The following TFAP2A variants were observed in gnomAD, a reference collection of about 807,000 sequenced individuals.
TFAP2A encodes the protein transcription factor AP-2-alpha.
In TFAP2A, 7 loss-of-function variants were observed where a neutral mutation model predicts 41.5. The observed-to-expected ratio is 0.17, with a 90% CI of 0.10 to 0.32. TFAP2A has a LOEUF of 0.32. TFAP2A is among the 10% of genes least tolerant of loss of function. TFAP2A has a pLI of 1.00. For missense variants in TFAP2A, 416 were observed against 563.3 expected, an observed-to-expected ratio of 0.74 and a Z score of 2.65; for synonymous variants, 247 against 242.8, an observed-to-expected ratio of 1.02 and a Z score of -0.16.
Position 10,414,932 on chromosome 6 carries a change from C to T in TFAP2A, c.51+9G>A. The stretch of plus-strand genomic sequence containing the variant: ...ACCGCACGGATGATCGAGCCGGCGT[C>T]GCGCTTACCTCGCAGTCCTCGTACT... On this transcript the variant is annotated intron_variant, in intron 1 of 6. Coordinates refer to ENST00000379613, the MANE Select transcript of TFAP2A (RefSeq NM_001372066.1). The T allele has an allele frequency of 1.2e-6, 2 of 1,613,714 alleles. No homozygotes were observed. Among genetic ancestry groups the T allele is most frequent in the Non-Finnish European group, 1.7e-6 (2 of 1,179,928 alleles).
At chr6:10,404,921 C>T (rs1418756440) in intron 3 of TFAP2A, 182 bp from the exon 4 acceptor site, 1 of 629,124 alleles carries the variant, frequency 1.6e-6, no homozygotes, top group Non-Finnish European at 2.8e-6. Context: ...CGAGCCCTTC[C>T]CTACCTCACC....
chr6:10,406,939 T>C, intron 2 of TFAP2A, 95 bp from the exon 3 acceptor site: 1 of 973,178 alleles, frequency 1.0e-6, no homozygotes, highest in Admixed American at 1.7e-5. Context: ...AGGTGTAGAA[T>C]CAAAATTCCC....
In TFAP2A at chr6:10,410,054, G is replaced by A. The variant is rs1757889484; in HGVS notation, c.333C>T (p.His111=). Residue 111 remains histidine, a synonymous_variant, in exon 2 of 7, where the codon CAC becomes CAT. Coordinates refer to ENST00000379613, the MANE Select transcript of TFAP2A (RefSeq NM_001372066.1). ...GCTGGTGAGGCAGCCCCCGGTGCGT[G>A]TGCAGGAGCCCAGACTCCTGGCTCT... ...QRQSQESGLL[H]THRGLPHQLS... The A allele has an allele frequency of 1.2e-6, 2 of 1,612,948 alleles. No individual in the cohort carries two copies. Among genetic ancestry groups the A allele is most frequent in the East Asian group, 2.2e-5 (1 of 44,886 alleles).
chr6:10,404,738 G>A lies in TFAP2A; in HGVS notation c.540C>T (p.Gly180=). 1 of 1,614,026 alleles carries A rather than the reference G, an allele frequency of 6.2e-7. No individual in the cohort carries two copies. The highest frequency in any genetic ancestry group is 8.5e-7 in the Non-Finnish European group (1 of 1,179,876). Residue 180 remains glycine (G), a splice_region_variant and synonymous_variant, in exon 4 of 7, where the codon GGC becomes GGT. Transcript: ENST00000379613. ...TGTTGGACTTGGACAGGGACACGGG[G>A]CCTGCGGAGACAGAGGGGAGGCCGC... ...NIPDQTVIKK[G]PVSLSKSNSN...
intron 1 of TFAP2A, chr6:10,411,730 G>C (rs548207288): frequency 2.1e-4 from 320 of 1,527,972 alleles, no homozygotes; most frequent in Admixed American, 1.3e-4. Flanking sequence ...CTCCAGTCAC[G>C]GCGCCGACGC....
chr6:10,414,917 T>A, intron 1 of TFAP2A, 24 bp downstream of exon 1: 3 of 1,612,838 alleles, frequency 1.9e-6, no homozygotes, highest in Non-Finnish European at 2.5e-6. Flanking sequence ...ACCGCACGGA[T>A]GATCGAGCCG....
At chr6:10,404,761 C>T in intron 3 of TFAP2A, 22 bp from the exon 4 acceptor site, 1 of 1,607,868 alleles carries the variant, frequency 6.2e-7, no homozygotes, top group Non-Finnish European at 8.5e-7. Context: ...GAGGGGAGGC[C>T]GCGTGTTGGG....
intron 2 of TFAP2A, chr6:10,409,524 T>A: frequency 3.8e-6 from 1 of 260,052 alleles, no homozygotes; most frequent in South Asian, 4.7e-5. Context: ...GCATTTAACA[T>A]CATTCCCAGG....
intron 6 of TFAP2A, 78 bp downstream of exon 6, chr6:10,400,370 A>C: frequency 6.3e-7 from 1 of 1,577,426 alleles, no homozygotes; most frequent in Non-Finnish European, 8.7e-7. Context: ...ACAAGGGAGA[A>C]GGAAGAGCAA....
chr6:10,414,483 A>C, intron 1 of TFAP2A: 1 of 281,412 alleles, frequency 3.6e-6, no homozygotes. Context: ...GAATGAATGA[A>C]TGAATGAATA....
chr6:10,397,985 A>G lies in TFAP2A; in HGVS notation c.*432T>C, dbSNP rs570465051. ...TAAGGGAAGGTGGTGACTCAGTCCCATGAAGCGCATATAATTTTTTTTATT... is the reference window on the plus strand; with the variant it reads ...TAAGGGAAGGTGGTGACTCAGTCCCGTGAAGCGCATATAATTTTTTTTATT... On this transcript the variant is annotated 3_prime_UTR_variant, in exon 7 of 7. Coordinates refer to ENST00000379613, the MANE Select transcript of TFAP2A (RefSeq NM_001372066.1). 1.9e-6 allele frequency: 2 copies of G among 1,056,396 alleles called. No individual in the cohort carries two copies. Among genetic ancestry groups the G allele is most frequent in the African/African-American group, 3.4e-5 (2 of 58,024 alleles). 65.4% of individuals were successfully genotyped at this position (1,056,396 alleles called of 1,614,324 possible).
intron 4 of TFAP2A, 70 bp from the exon 5 acceptor site, chr6:10,402,680 T>A (rs1375177018): frequency 6.0e-6 from 7 of 1,164,782 alleles, no homozygotes; most frequent in Non-Finnish European, 9.0e-6. Flanking sequence ...ATTAAAATCA[T>A]TTTGAAAGCT....
chr6:10,412,029 A>G, intron 1 of TFAP2A: 1 of 1,055,120 alleles, frequency 9.5e-7, no homozygotes. Context: ...CTAATAGCAG[A>G]TATTCATGAC....
upstream of TFAP2A, among the ~76,000 whole-genome samples, chr6:10,416,708 C>A (rs1272574969): frequency 1.3e-5 from 2 of 152,204 alleles, no homozygotes. Context: ...TTGGAGCATT[C>A]CCTCACAGGT....
intron 1 of TFAP2A, chr6:10,411,549 G>A: frequency 1.9e-6 from 3 of 1,613,850 alleles, no homozygotes; most frequent in Non-Finnish European, 2.5e-6. Context: ...AAACAGCAAC[G>A]GGGGTGGGGA....
At position 10,410,269 on chromosome 6, in the gene TFAP2A, G is replaced by A. The variant is rs1324911573; in HGVS notation, c.118C>T (p.Pro40Ser). 6.8e-6 allele frequency: 11 copies of A among 1,613,324 alleles called. No individual in the cohort carries two copies. Among genetic ancestry groups the A allele is most frequent in the Non-Finnish European group, 8.5e-7 (1 of 1,179,866 alleles). Reference protein sequence around the residue: ...LPQLGTVGQSPYTSAPPLSHT... With the variant: ...LPQLGTVGQSSYTSAPPLSHT... ...GACAGCGGCGGGGCGCTCGTGTAGGGAGATTGACCTACAGTGCCCAGCTGG... is the reference window on the plus strand; with the variant it reads ...GACAGCGGCGGGGCGCTCGTGTAGGAAGATTGACCTACAGTGCCCAGCTGG... The change falls in exon 2 of 7, where the codon CCC (proline) becomes TCC (serine). Residue 40 changes from proline (P) to serine (S), a missense_variant. This residue lies in a region of TFAP2A where 241 missense variants were observed against 274.1 expected (regional missense o/e 0.88). Coordinates refer to ENST00000379613, the MANE Select transcript of TFAP2A (RefSeq NM_001372066.1).
intron 1 of TFAP2A, 48 bp downstream of exon 1, chr6:10,414,893 G>A (rs946923470): frequency 6.2e-7 from 1 of 1,612,916 alleles, no homozygotes; most frequent in Non-Finnish European, 8.5e-7. Context: ...GGAGGGTCAA[G>A]CTCGGAGCCT....
At chr6:10,410,479 C>T in intron 1 of TFAP2A, 144 bp from the exon 2 acceptor site, 2 of 770,468 alleles carry the variant, frequency 2.6e-6, no homozygotes, top group Non-Finnish European at 2.2e-6. Context: ...GCTCTAAGTT[C>T]TTTTCAGGAA....
At chr6:10,414,822 G>A in intron 1 of TFAP2A, 119 bp downstream of exon 1, 1 of 1,363,958 alleles carries the variant, frequency 7.3e-7, no homozygotes, top group African/African-American at 1.4e-5. Context: ...CGGGCGCTGC[G>A]CTGGGGAAAG....
Sources: gnomAD v4.1 joint callset for allele counts (sites outside exome capture counted in the v4.1 genomes callset) on GRCh38, gnomAD v4.1.1 for gene constraint, gnomAD v4.1.1 regional missense constraint, MANE v1.5 for transcripts, NCBI Gene and HGNC (gene_info 2026-07-23, HGNC 2026-07-21) for gene names.